COBL: variants seen among roughly 807,000 people sequenced by gnomAD.
COBL encodes the protein protein cordon-bleu.
Under a neutral mutation model 98.8 loss-of-function variants are expected in COBL, and 51 were observed. That is an observed-to-expected ratio of 0.52 (90% CI 0.41 to 0.65). The LOEUF is 0.65. Ranked by LOEUF, COBL falls within the 30% of genes least tolerant of loss-of-function variation. COBL has a pLI of 0.00. For missense variants in COBL, 1,617 were observed against 1,617.5 expected (o/e 1.00, Z 0.01); for synonymous variants, 634 against 651.7 (o/e 0.97, Z 0.41).
chr7:51,121,660 C>T (rs1362265656), intron 6 of COBL, among the ~76,000 whole-genome samples: 1 of 152,152 alleles, frequency 6.6e-6, no homozygotes, highest in Non-Finnish European at 1.5e-5. Context: ...AGGCTCTGCA[C>T]CCAGCTTCAG....
intron 1 of COBL, among the ~76,000 whole-genome samples, chr7:51,309,306 A>G (rs1396999334): frequency 6.6e-6 from 1 of 152,100 alleles, no homozygotes; most frequent in Non-Finnish European, 1.5e-5. Flanking sequence ...ACAGATGGAG[A>G]CTGCACACCA....
At chr7:51,022,827 G>A (rs1009111256) in intron 12 of COBL, 2 of 152,194 alleles carry the variant, frequency 1.3e-5, no homozygotes, top group East Asian at 1.9e-4. Flanking sequence ...CCCAGTCGGT[G>A]CAATTCAAAA....
At chr7:51,221,569 A>G (rs995592353) in intron 1 of COBL, among the ~76,000 whole-genome samples, 7 of 152,248 alleles carry the variant, frequency 4.6e-5, no homozygotes, top group Admixed American at 6.5e-5. Context: ...TTTTTAAAAT[A>G]ACAAGTTTCA....
chr7:51,304,038 C>T (rs1802238915), intron 1 of COBL, among the ~76,000 whole-genome samples: 4 of 152,176 alleles, frequency 2.6e-5, no homozygotes, highest in Admixed American at 2.6e-4. Flanking sequence ...TCCCCAGACA[C>T]TAATGCTCCC....
At chr7:51,316,516 G>C (rs1254138839) in intron 1 of COBL, 77 bp downstream of exon 1, 6 of 1,100,312 alleles carry the variant, frequency 5.5e-6, no homozygotes, top group East Asian at 7.1e-5. Context: ...CCCTGCCCGG[G>C]AGCGCGCGGT....
chr7:51,265,338 C>G (rs1798103129), intron 1 of COBL, among the ~76,000 whole-genome samples: 1 of 152,108 alleles, frequency 6.6e-6, no homozygotes. Flanking sequence ...TCCAGAGAAA[C>G]CCAGAGCAGG....
At chr7:51,214,778 G>A (rs1792864940) in intron 2 of COBL, among the ~76,000 whole-genome samples, 1 of 152,134 alleles carries the variant, frequency 6.6e-6, no homozygotes, top group Admixed American at 6.5e-5. Context: ...TGTGTTTGAA[G>A]AAAATTAATA....
chr7:51,113,257 A>G (rs1176458630), intron 6 of COBL, among the ~76,000 whole-genome samples: 1 of 152,254 alleles, frequency 6.6e-6, no homozygotes, highest in African/African-American at 2.4e-5. Flanking sequence ...AGTACTACTC[A>G]GAATATATGA....
At chr7:51,228,830 G>C (rs1794454578) in intron 1 of COBL, among the ~76,000 whole-genome samples, 1 of 152,042 alleles carries the variant, frequency 6.6e-6, no homozygotes, top group Non-Finnish European at 1.5e-5. Context: ...TGCTCATGCT[G>C]AGCAGAGCAA....
chr7:51,234,529 CCT>C (rs1200818549), intron 1 of COBL, among the ~76,000 whole-genome samples: 2 of 152,030 alleles, frequency 1.3e-5, no homozygotes, highest in East Asian at 3.9e-4. Context: ...AGAAAAACCC[CCT>C]CTCTACGAAA....
At chr7:51,039,010 G>C (rs1025350037) in intron 8 of COBL, among the ~76,000 whole-genome samples, 2 of 152,196 alleles carry the variant, frequency 1.3e-5, no homozygotes, top group African/African-American at 4.8e-5. Flanking sequence ...GGGTCATCCA[G>C]GGTAGGGCCA....
intron 12 of COBL, among the ~76,000 whole-genome samples, chr7:51,022,437 C>G (rs1452273294): frequency 6.6e-6 from 1 of 152,242 alleles, no homozygotes; most frequent in African/African-American, 2.4e-5. Context: ...TTCCTCCAAG[C>G]ATGCCTGGGC....
At chr7:51,018,507 A>G (rs1786525422) in intron 12 of COBL, 1 of 152,114 alleles carries the variant, frequency 6.6e-6, no homozygotes, top group African/African-American at 2.4e-5. Context: ...CTGAACTCCC[A>G]TGGTGGGGAT....
intron 6 of COBL, among the ~76,000 whole-genome samples, chr7:51,122,744 C>T (rs759375227): frequency 2.6e-5 from 4 of 152,206 alleles, no homozygotes; most frequent in East Asian, 1.9e-4. Context: ...TTTGGGAAGC[C>T]GAGGTTGGTG....
chr7:51,018,258 G>T, intron 12 of COBL: 1 of 124,346 alleles, frequency 8.0e-6, no homozygotes, highest in South Asian at 2.4e-4. Context: ...TGACGATGGT[G>T]GTGGTGGTGG....
chr7:51,259,639 C>A, intron 1 of COBL: 1 of 727,406 alleles, frequency 1.4e-6, no homozygotes, highest in South Asian at 1.4e-5. Flanking sequence ...CCAAAATTCC[C>A]CTGGTGCTCC....
intron 5 of COBL, among the ~76,000 whole-genome samples, chr7:51,181,970 T>TCTC (rs1477410869): frequency 6.6e-6 from 1 of 152,220 alleles, no homozygotes; most frequent in Non-Finnish European, 1.5e-5. Context: ...GCTGAGTCAG[T>TCTC]CTCCACATCT....
rs774573936 is a variant in COBL at position 51,193,482 on chromosome 7, A to G, written c.353T>C (p.Phe118Ser). Residue 118 changes from phenylalanine (F) to serine (S), a missense_variant, in exon 3 of 13, where the codon TTT (phenylalanine) becomes TCT (serine). Transcript: ENST00000265136. ...GGTCCCAATCAAAGTATTTGGCTTA[A>G]AACTCAAAGGTTGTTGGGTTTCTGA... ...RSSETQQPLSFKPNTLIGTLN... is the reference protein window; with the variant it reads ...RSSETQQPLSSKPNTLIGTLN... 6 of 1,614,214 alleles carry G rather than the reference A, an allele frequency of 3.7e-6. No homozygotes were observed. Among genetic ancestry groups the G allele is most frequent in the Non-Finnish European group, 5.1e-6 (6 of 1,180,022 alleles).
chr7:51,283,830 C>A (rs995139800), intron 1 of COBL, among the ~76,000 whole-genome samples: 5 of 151,972 alleles, frequency 3.3e-5, no homozygotes, highest in Non-Finnish European at 7.4e-5. Flanking sequence ...TTTTTAGACC[C>A]AGGTGGTTTC....
Sources: allele counts gnomAD v4.1 joint callset (sites outside exome capture counted in the v4.1 genomes callset), GRCh38; gene constraint gnomAD v4.1.1; transcripts MANE v1.5; gene names NCBI Gene and HGNC (gene_info 2026-07-23, HGNC 2026-07-21).